Variants in EPHA6 observed in about 807,000 individuals in gnomAD.
The protein encoded by EPHA6 is ephrin type-A receptor 6.
EPHA6 carries 50 observed loss-of-function variants against 112.0 expected under a neutral mutation model. That is an observed-to-expected ratio of 0.45 (90% CI 0.36 to 0.56). The LOEUF is 0.56. Ranked by LOEUF, EPHA6 falls within the 20% of genes least tolerant of loss-of-function variation. The pLI is 0.00. For synonymous variants in EPHA6, 529 were observed against 490.7 expected, an observed-to-expected ratio of 1.08 and a Z score of -1.03; for missense variants, 1,280 against 1,417.4, an observed-to-expected ratio of 0.90 and a Z score of 1.56.
At position 97,761,211 on chromosome 3, in the gene EPHA6, T is replaced by C. The variant is rs2036158936; in HGVS notation, c.*12510T>C. 1 of 197,356 alleles carries C rather than the reference T, an allele frequency of 5.1e-6. No homozygotes were observed. The highest frequency in any genetic ancestry group is 1.9e-4 in the South Asian group (1 of 5,236). 12.2% of individuals were successfully genotyped at this position (197,356 alleles called of 1,614,324 possible). A position where few individuals can be genotyped will look rare whatever the true frequency, so the allele number is the denominator to read the frequency against. On this transcript the variant is annotated 3_prime_UTR_variant, in exon 18 of 18. Transcript: ENST00000389672. ...TTTATCTTACAAAAATCTACTATAA[T>C]ATTAATAACTTTCCATGTAAATTTT...
intron 3 of EPHA6, among the ~76,000 whole-genome samples, chr3:97,080,718 A>G (rs561597693): frequency 1.3e-4 from 20 of 152,202 alleles, no homozygotes; most frequent in Admixed American, 3.3e-4. Context: ...GACACATACA[A>G]TGTTTCATAT....
intron 2 of EPHA6, among the ~76,000 whole-genome samples, chr3:96,872,364 G>C (rs1177267440): frequency 1.3e-5 from 2 of 152,000 alleles, no homozygotes; most frequent in South Asian, 2.1e-4. Flanking sequence ...ACACATTGTA[G>C]GATAGAAGCC....
intron 3 of EPHA6, among the ~76,000 whole-genome samples, chr3:97,216,694 A>G (rs567861497): frequency 1.6e-3 from 250 of 152,300 alleles, no homozygotes; most frequent in Admixed American, 6.1e-3. Context: ...AAACTCCTCC[A>G]GTGATATTTT....
At chr3:97,208,750 T>TAA (rs539682728) in intron 3 of EPHA6, among the ~76,000 whole-genome samples, 2 of 145,226 alleles carry the variant, frequency 1.4e-5, no homozygotes, top group Admixed American at 6.9e-5. Flanking sequence ...CTGTCTCAAT[T>TAA]AAAAAAAAAA....
chr3:97,108,116 A>G (rs1410306560), intron 3 of EPHA6, among the ~76,000 whole-genome samples: 2 of 152,176 alleles, frequency 1.3e-5, no homozygotes, highest in Non-Finnish European at 2.9e-5. Context: ...TTTCCAAATC[A>G]TGCAGTGCCA....
chr3:97,724,821 A>T (rs1251018326), intron 15 of EPHA6, among the ~76,000 whole-genome samples: 1 of 152,058 alleles, frequency 6.6e-6, no homozygotes, highest in African/African-American at 2.4e-5. Flanking sequence ...TATGTAGGTA[A>T]TGAGATAAAA....
intron 1 of EPHA6, among the ~76,000 whole-genome samples, chr3:96,832,594 T>C (rs993671263): frequency 3.9e-5 from 6 of 152,056 alleles, no homozygotes; most frequent in Non-Finnish European, 5.9e-5. Context: ...GTTATTGCCA[T>C]TGGCCTGGTT....
At chr3:97,379,717 C>T (rs1206255291) in intron 5 of EPHA6, among the ~76,000 whole-genome samples, 1 of 136,608 alleles carries the variant, frequency 7.3e-6, no homozygotes, top group Admixed American at 7.7e-5. Context: ...CCATTCCACT[C>T]CAGCCTGGGC....
At chr3:97,381,370 C>T (rs1256260215) in intron 5 of EPHA6, among the ~76,000 whole-genome samples, 1 of 151,856 alleles carries the variant, frequency 6.6e-6, no homozygotes, top group African/African-American at 2.4e-5. Flanking sequence ...CTTTAAAAAC[C>T]CTGTGACATA....
chr3:97,024,723 C>T (rs1472925842), intron 3 of EPHA6, among the ~76,000 whole-genome samples: 2 of 152,132 alleles, frequency 1.3e-5, no homozygotes, highest in Non-Finnish European at 1.5e-5. Flanking sequence ...ATATTGGACA[C>T]AGTTTCTTCC....
intron 13 of EPHA6, among the ~76,000 whole-genome samples, chr3:97,617,331 G>T (rs908367431): frequency 8.6e-5 from 13 of 151,906 alleles, no homozygotes; most frequent in African/African-American, 2.9e-4. Context: ...ACACAATGAA[G>T]TACACAGAAC....
intron 15 of EPHA6, among the ~76,000 whole-genome samples, chr3:97,733,818 T>A (rs1402220326): frequency 6.6e-6 from 1 of 152,020 alleles, no homozygotes. Context: ...AGTAAAAACA[T>A]TGAAGTCCAA....
intron 2 of EPHA6, among the ~76,000 whole-genome samples, chr3:96,918,724 CTA>C (rs2039609562): frequency 6.6e-6 from 1 of 151,858 alleles, no homozygotes; most frequent in African/African-American, 2.4e-5. Flanking sequence ...GAAGGTATAA[CTA>C]TTTTTTTTAA....
At chr3:97,636,200 G>A (rs1224105889) in intron 13 of EPHA6, among the ~76,000 whole-genome samples, 1 of 152,016 alleles carries the variant, frequency 6.6e-6, no homozygotes, top group Non-Finnish European at 1.5e-5. Context: ...CAAGAATTAT[G>A]ATAGGAGGCA....
chr3:97,331,519 G>A (rs1329016032), intron 5 of EPHA6, among the ~76,000 whole-genome samples: 6 of 151,948 alleles, frequency 3.9e-5, no homozygotes, highest in Non-Finnish European at 4.4e-5. Flanking sequence ...AATAAGAAAA[G>A]AGAGAAGAAT....
In EPHA6 at chr3:97,757,545, A is replaced by T. The variant is rs1334029189; in HGVS notation, c.*8844A>T. ...CCATAGCACTTTAAACATATTAATAAATTATCCCATGGATAATAAAGAGAT... is the reference window on the plus strand; with the variant it reads ...CCATAGCACTTTAAACATATTAATATATTATCCCATGGATAATAAAGAGAT... On this transcript the variant is annotated 3_prime_UTR_variant, in exon 18 of 18. Transcript: ENST00000389672. Among the ~76,000 whole-genome samples, 1 of 151,640 alleles carries T rather than the reference A, an allele frequency of 6.6e-6. No homozygotes were observed. The highest frequency in any genetic ancestry group is 1.9e-4 in the East Asian group (1 of 5,190).
chr3:97,757,569 A>G lies in EPHA6; in HGVS notation c.*8868A>G, dbSNP rs1332493262. Among the ~76,000 whole-genome samples, 1 of 151,518 alleles carries G rather than the reference A, an allele frequency of 6.6e-6. No homozygotes were observed. The highest frequency in any genetic ancestry group is 2.4e-5 in the African/African-American group (1 of 41,360). ...AAATTATCCCATGGATAATAAAGAG[A>G]TTTTTTTCCAGCCATCATTAAATAT... On this transcript the variant is annotated 3_prime_UTR_variant, in exon 18 of 18. Coordinates refer to ENST00000389672, the MANE Select transcript of EPHA6 (RefSeq NM_001080448.3).
At chr3:96,908,739 GCATTC>G (rs2039065671) in intron 2 of EPHA6, among the ~76,000 whole-genome samples, 1 of 151,816 alleles carries the variant, frequency 6.6e-6, no homozygotes, top group South Asian at 2.1e-4. Flanking sequence ...GTAGGTATTT[GCATTC>G]CTCTTAAACT....
intron 2 of EPHA6, among the ~76,000 whole-genome samples, chr3:96,908,666 G>A (rs1007621813): frequency 6.6e-6 from 1 of 151,900 alleles, no homozygotes; most frequent in Non-Finnish European, 1.5e-5. Flanking sequence ...TAATTGCAAT[G>A]GAATTTGGAG....
Sources: allele counts gnomAD v4.1 joint callset (sites outside exome capture counted in the v4.1 genomes callset), GRCh38; gene constraint gnomAD v4.1.1; transcripts MANE v1.5; gene names NCBI Gene and HGNC (gene_info 2026-07-23, HGNC 2026-07-21).